The following PCCB variants were observed in gnomAD, a reference collection of about 807,000 sequenced individuals.
PCCB encodes the protein propionyl-CoA carboxylase subunit beta.
In PCCB, 43 loss-of-function variants were observed where a neutral mutation model predicts 60.7. That is an observed-to-expected ratio of 0.71 (90% CI 0.55 to 0.91). The LOEUF is 0.91. PCCB is among the 40% of genes least tolerant of loss of function. The pLI, the probability that PCCB is intolerant of heterozygous loss-of-function variation, is 0.00. For synonymous variants in PCCB, 276 were observed against 255.9 expected, an observed-to-expected ratio of 1.08 and a Z score of -0.75; for missense variants, 766 against 702.8, an observed-to-expected ratio of 1.09 and a Z score of -1.02.
At chr3:136,273,701 A>G (rs1942265646) in intron 5 of PCCB, among the ~76,000 whole-genome samples, 1 of 143,742 alleles carries the variant, frequency 7.0e-6, no homozygotes, top group Admixed American at 7.2e-5. Flanking sequence ...TCGCGAGGTC[A>G]GGAGATCGAG....
chr3:136,272,949 TACTTAAAACTATGA>T (rs1250489263), intron 5 of PCCB, among the ~76,000 whole-genome samples: 1 of 152,192 alleles, frequency 6.6e-6, no homozygotes, highest in Non-Finnish European at 1.5e-5. Context: ...TTGATGTATG[TACTTAAAACTATGA>T]ACTTTCCTCT....
intron 9 of PCCB, among the ~76,000 whole-genome samples, chr3:136,312,272 A>G (rs1934698767): frequency 6.6e-6 from 1 of 152,220 alleles, no homozygotes; most frequent in African/African-American, 2.4e-5. Context: ...CACACCTAGG[A>G]TCTGTGGTAT....
intron 10 of PCCB, 59 bp downstream of exon 10, chr3:136,317,123 C>G (rs1225583704): frequency 1.3e-6 from 2 of 1,579,844 alleles, no homozygotes; most frequent in Admixed American, 1.7e-5. Context: ...AAGCCTGGGT[C>G]CATGGTATCC....
At chr3:136,280,572 G>A (rs1192986667) in intron 5 of PCCB, among the ~76,000 whole-genome samples, 3 of 152,108 alleles carry the variant, frequency 2.0e-5, no homozygotes, top group South Asian at 2.1e-4. Flanking sequence ...TCTCAAACTC[G>A]TAGACTCAAG....
At chr3:136,287,653 T>A (rs1295635022) in intron 6 of PCCB, among the ~76,000 whole-genome samples, 1 of 152,174 alleles carries the variant, frequency 6.6e-6, no homozygotes, top group Non-Finnish European at 1.5e-5. Flanking sequence ...CAGGGTGGTC[T>A]CCAAACTCTT....
Position 136,250,359 on chromosome 3 carries a change from G to A in PCCB, c.-17G>A. ...GTACTCAGGTGCGCCGGTAGGGGAC[G>A]CGCCGGCACAGCAAAAATGGCGGCG... On this transcript the variant is annotated 5_prime_UTR_variant, in exon 1 of 15. Coordinates refer to ENST00000251654, the MANE Select transcript of PCCB (RefSeq NM_000532.5). 6.7e-7 allele frequency: 1 copy of A among 1,497,810 alleles called. No individual in the cohort carries two copies. The highest frequency in any genetic ancestry group is 8.9e-7 in the Non-Finnish European group (1 of 1,118,580). 92.8% of individuals were successfully genotyped at this position (1,497,810 alleles called of 1,614,324 possible). A position where few individuals can be genotyped will look rare whatever the true frequency, so the allele number is the denominator to read the frequency against.
intron 6 of PCCB, among the ~76,000 whole-genome samples, chr3:136,285,089 A>C (rs1376995270): frequency 6.7e-4 from 2 of 2,972 alleles, no homozygotes; most frequent in African/African-American, 1.6e-3. Flanking sequence ...ACCCTGCCTC[A>C]AAAAAAAAAA....
intron 5 of PCCB, among the ~76,000 whole-genome samples, chr3:136,270,973 T>G (rs1942183478): frequency 6.6e-6 from 1 of 152,200 alleles, no homozygotes; most frequent in Non-Finnish European, 1.5e-5. Context: ...TGCCTACTTT[T>G]TGATGGGATT....
chr3:136,301,599 T>C (rs1268793301), intron 9 of PCCB, among the ~76,000 whole-genome samples: 2 of 151,988 alleles, frequency 1.3e-5, no homozygotes, highest in East Asian at 1.9e-4. Flanking sequence ...CCTGGGTCAT[T>C]AAGTAAAGGG....
chr3:136,312,377 TAAA>T (rs1158152812), intron 9 of PCCB, among the ~76,000 whole-genome samples: 1 of 152,128 alleles, frequency 6.6e-6, no homozygotes, highest in Non-Finnish European at 1.5e-5. Flanking sequence ...TATCTAAACA[TAAA>T]AAGGGTACAG....
At position 136,310,548 on chromosome 3, in the gene PCCB, G is replaced by A. The variant is rs577794066; in HGVS notation, c.967-6393G>A. Among the ~76,000 whole-genome samples the A allele has an allele frequency of 3.3e-5, 5 of 152,262 alleles. No individual in the cohort carries two copies. The South Asian group carries it at 1.0e-3, about 32-fold the overall frequency. On this transcript the variant is annotated intron_variant, in intron 9 of 14. Coordinates refer to ENST00000251654, the MANE Select transcript of PCCB (RefSeq NM_000532.5). Reference sequence around the variant, plus strand: ...AACAAACAAACACCAGGCCCAAATAGTTTCATGTGGAATTTCTGAGACCTT... The same window carrying A: ...AACAAACAAACACCAGGCCCAAATAATTTCATGTGGAATTTCTGAGACCTT...
intron 8 of PCCB, among the ~76,000 whole-genome samples, chr3:136,299,959 C>G (rs992569031): frequency 6.6e-6 from 1 of 151,630 alleles, no homozygotes; most frequent in Non-Finnish European, 1.5e-5. Context: ...TACATATATA[C>G]ATGTATGCAT....
chr3:136,256,074 C>T (rs1941664903), intron 2 of PCCB, 99 bp downstream of exon 2: 4 of 1,540,750 alleles, frequency 2.6e-6, no homozygotes, highest in South Asian at 1.1e-5. Flanking sequence ...ATCTGAAGTC[C>T]TCTGCAGAGG....
chr3:136,269,885 C>CAAAAAAAA (rs1159032335), intron 5 of PCCB, among the ~76,000 whole-genome samples: 1 of 60,656 alleles, frequency 1.6e-5, no homozygotes, highest in Non-Finnish European at 3.4e-5. Flanking sequence ...GACTCTGTCT[C>CAAAAAAAA]AAAAAAAAAA....
chr3:136,305,654 C>T (rs1474676516), intron 9 of PCCB, among the ~76,000 whole-genome samples: 9 of 112,900 alleles, frequency 8.0e-5, no homozygotes, highest in African/African-American at 2.4e-4. Context: ...GAGACTGAGG[C>T]AGGAGAATCA....
intron 5 of PCCB, among the ~76,000 whole-genome samples, chr3:136,273,597 C>CTTTTTTTTTTTTTTTTTT: frequency 2.1e-3 from 96 of 45,222 alleles, no homozygotes; most frequent in South Asian, 3.0e-3. Flanking sequence ...TTTCTTTTTT[C>CTTTTTTTTTTTTTTTTTT]TTTTTTTTTT....
chr3:136,267,776 T>C (rs1451595311), intron 5 of PCCB, among the ~76,000 whole-genome samples: 5 of 152,060 alleles, frequency 3.3e-5, no homozygotes, highest in African/African-American at 1.2e-4. Flanking sequence ...CATGAGCCGA[T>C]GTGCCCAGCC....
At chr3:136,287,456 G>C (rs908674294) in intron 6 of PCCB, among the ~76,000 whole-genome samples, 17 of 151,404 alleles carry the variant, frequency 1.1e-4, no homozygotes, top group African/African-American at 3.9e-4. Context: ...TTTTGAGACA[G>C]AGTTTTGCTC....
intron 3 of PCCB, 117 bp from the exon 4 acceptor site, chr3:136,260,362 G>C (rs1213900512): frequency 8.5e-6 from 7 of 824,756 alleles, no homozygotes; most frequent in Non-Finnish European, 1.4e-5. Flanking sequence ...ACAGGCATGA[G>C]CCACCACGCC....
Sources: gnomAD v4.1 joint callset for allele counts (sites outside exome capture counted in the v4.1 genomes callset) on GRCh38, gnomAD v4.1.1 for gene constraint, MANE v1.5 for transcripts, NCBI Gene and HGNC (gene_info 2026-07-23, HGNC 2026-07-21) for gene names.